The following UNK variants were observed in gnomAD, a reference collection of about 807,000 sequenced individuals.
UNK encodes the protein unk zinc finger, also known as RING finger protein unkempt homolog.
A neutral mutation model predicts 97.6 loss-of-function variants in UNK; 32 were observed. The ratio of observed to expected loss-of-function variants is 0.33; its 90% CI spans 0.25 to 0.44. UNK has a LOEUF of 0.44. Among genes scored for constraint, UNK ranks in the 20% least tolerant of loss-of-function variants. The pLI is 1.00. For missense variants in UNK, 771 were observed against 1,098.4 expected, an observed-to-expected ratio of 0.70 and a Z score of 4.21; for synonymous variants, 441 against 461.2, an observed-to-expected ratio of 0.96 and a Z score of 0.56.
intron 1 of UNK, among the ~76,000 whole-genome samples, chr17:75,807,453 G>C (rs935595679): frequency 3.3e-5 from 5 of 152,136 alleles, no homozygotes; most frequent in African/African-American, 1.2e-4. Flanking sequence ...ATGTATTTAT[G>C]TATTTATTTA....
chr17:75,784,964 C>G lies in UNK; in HGVS notation c.84C>G (p.Pro28=). ...AATAQVLQAQ[P]EKPQHYTYLK... is the part of the protein sequence containing the mutation. ...CCGCTCAGGTGCTGCAGGCACAGCC[C>G]GAGAAACCGCAGCACTACACGTACG... The change falls in exon 1 of 16, where the codon CCC becomes CCG. Residue 28 remains proline (P), a synonymous_variant. Transcript: ENST00000589666. 2.0e-6 allele frequency: 3 copies of G among 1,527,766 alleles called. No individual in the cohort carries two copies. Among genetic ancestry groups the G allele is most frequent in the Non-Finnish European group, 2.6e-6 (3 of 1,141,110 alleles). 94.6% of individuals were successfully genotyped at this position (1,527,766 alleles called of 1,614,324 possible).
chr17:75,808,204 T>G (rs1458377479), intron 1 of UNK, among the ~76,000 whole-genome samples: 1 of 152,166 alleles, frequency 6.6e-6, no homozygotes, highest in Non-Finnish European at 1.5e-5. Context: ...GTATCCCAGC[T>G]CAGTGCCAGG....
At chr17:75,811,662 T>C (rs1339075316) in intron 2 of UNK, among the ~76,000 whole-genome samples, 1 of 152,112 alleles carries the variant, frequency 6.6e-6, no homozygotes, top group Non-Finnish European at 1.5e-5. Context: ...TTCTTCCTAG[T>C]GCACCTTCCA....
At position 75,813,157 on chromosome 17, in the gene UNK, T is replaced by C; in HGVS notation, c.702T>C (p.Cys234=). 1 of 1,592,742 alleles carries C rather than the reference T, an allele frequency of 6.3e-7. No homozygotes were observed. Among genetic ancestry groups the C allele is most frequent in the Non-Finnish European group, 8.5e-7 (1 of 1,169,996 alleles). Residue 234 remains cysteine (C), a synonymous_variant, in exon 5 of 16, where the codon TGT becomes TGC. Coordinates refer to ENST00000589666, the MANE Select transcript of UNK (RefSeq NM_001080419.3). ...GGCTGTGCCGCCAAGGCTATGCCTGTCCCTACTACCACAACAGCAAGGACC... is the reference window on the plus strand; with the variant it reads ...GGCTGTGCCGCCAAGGCTATGCCTGCCCCTACTACCACAACAGCAAGGACC... ...PPRLCRQGYA[C]PYYHNSKDRR...
chr17:75,805,410 A>C (rs1036323501), intron 1 of UNK, among the ~76,000 whole-genome samples: 44 of 151,430 alleles, frequency 2.9e-4, no homozygotes, highest in Middle Eastern at 6.8e-3. Flanking sequence ...AAAAAAAAAA[A>C]AAAAACAAGC....
Position 75,816,787 on chromosome 17 carries a change from G to T in UNK, c.979G>T (p.Asp327Tyr). 6.2e-7 allele frequency: 1 copy of T among 1,604,130 alleles called. No homozygotes were observed. The change falls in exon 8 of 16, where the codon GAC (aspartate) becomes TAC (tyrosine). Residue 327 changes from aspartate to tyrosine, a missense_variant. Physicochemically the swap from Asp to Tyr is radical, Grantham distance 160. Coordinates refer to ENST00000589666, the MANE Select transcript of UNK (RefSeq NM_001080419.3). The surrounding 1 kb of genome is among the most constrained non-coding windows in gnomAD (Gnocchi z 4.0). Reference protein sequence around the residue: ...AHVEQPPLSDDLQPSSAVSSP... With the variant: ...AHVEQPPLSDYLQPSSAVSSP... The stretch of plus-strand genomic sequence containing the variant: ...TCTTGCAGAGCCACCCCTGAGTGAC[G>T]ACCTGCAGCCTTCCTCAGCTGTGTC...
chr17:75,810,934 C>T (rs978782837), intron 2 of UNK, among the ~76,000 whole-genome samples: 16 of 151,682 alleles, frequency 1.1e-4, no homozygotes, highest in Admixed American at 3.9e-4. Flanking sequence ...CTATGCCCGG[C>T]TTCAGTTGAT....
intron 14 of UNK, 85 bp downstream of exon 14, chr17:75,822,743 G>C (rs1374204014): frequency 7.3e-7 from 1 of 1,378,082 alleles, no homozygotes; most frequent in African/African-American, 1.5e-5. Context: ...GGCGTGGGGT[G>C]GGGGAAAGCG....
intron 1 of UNK, among the ~76,000 whole-genome samples, chr17:75,806,809 C>G (rs2061923030): frequency 6.6e-6 from 1 of 152,090 alleles, no homozygotes; most frequent in Non-Finnish European, 1.5e-5. Context: ...TAAATTCGGG[C>G]TCTAGGAAGA....
In UNK at chr17:75,817,654, C is replaced by T; in HGVS notation, c.1305+128C>T. 1 of 1,039,590 alleles carries T rather than the reference C, an allele frequency of 9.6e-7. No homozygotes were observed. Among genetic ancestry groups the T allele is most frequent in the Non-Finnish European group, 1.4e-6 (1 of 727,896 alleles). The allele number at this position is 1,039,590 out of a possible 1,614,324, so 64.4% of individuals were successfully genotyped here. On this transcript the variant is annotated intron_variant, in intron 9 of 15. Coordinates refer to ENST00000589666, the MANE Select transcript of UNK (RefSeq NM_001080419.3). The surrounding 1 kb of genome is among the most constrained non-coding windows in gnomAD (Gnocchi z 5.8). ...GCTAGGACTCCACTGTCCTCGGCCT[C>T]TTCAGGACTGAACAGAGGGAGCAGT...
At chr17:75,791,814 T>C (rs2061766097) in intron 1 of UNK, 2 of 985,448 alleles carry the variant, frequency 2.0e-6, no homozygotes. Flanking sequence ...CTGCTTTGAC[T>C]GGTGGTTTCT....
At position 75,813,140 on chromosome 17, in the gene UNK, C is replaced by T. The variant is rs1304322145; in HGVS notation, c.685C>T (p.Arg229Cys). The T allele has an allele frequency of 1.9e-6, 3 of 1,589,570 alleles. No homozygotes were observed. The highest frequency in any genetic ancestry group is 2.6e-6 in the Non-Finnish European group (3 of 1,168,376). The change falls in exon 5 of 16, where the codon CGC (arginine) becomes TGC (cysteine). Residue 229 changes from arginine to cysteine, a missense_variant. By Grantham distance (180) the Arg-to-Cys change is radical. Around this residue, in one of 5 missense-constraint regions of UNK, gnomAD observed 246 missense variants for 440.7 expected, o/e 0.56. Coordinates refer to ENST00000589666, the MANE Select transcript of UNK (RefSeq NM_001080419.3). ...EPCKKPPRLC[R>C]QGYACPYYHN... ...TTGCAAGAAGCCCCCGCGGCTGTGC[C>T]GCCAAGGCTATGCCTGTCCCTACTA...
chr17:75,797,178 G>T (rs907230090), intron 1 of UNK, among the ~76,000 whole-genome samples: 1 of 152,152 alleles, frequency 6.6e-6, no homozygotes, highest in Non-Finnish European at 1.5e-5. Flanking sequence ...TTAGGACTAT[G>T]TCTTGCTTTT....
chr17:75,787,653 G>A (rs1197879310), intron 1 of UNK, among the ~76,000 whole-genome samples: 1 of 151,604 alleles, frequency 6.6e-6, no homozygotes, highest in Non-Finnish European at 1.5e-5. Flanking sequence ...TGGAAACCCC[G>A]TCTCTACTAA....
At position 75,822,670 on chromosome 17, in the gene UNK, C is replaced by T. The variant is rs769549032; in HGVS notation, c.2019+12C>T. On this transcript the variant is annotated intron_variant, in intron 14 of 15. Coordinates refer to ENST00000589666, the MANE Select transcript of UNK (RefSeq NM_001080419.3). The stretch of plus-strand genomic sequence containing the variant: ...AGCAGGCCAAGCAGGTACCAGGCCC[C>T]GTGCCTGCCGGCCTTCCCCAGTGCC... 2.7e-5 allele frequency: 42 copies of T among 1,583,692 alleles called. No individual in the cohort carries two copies. Among genetic ancestry groups the T allele is most frequent in the South Asian group, 3.4e-5 (3 of 87,680 alleles).
chr17:75,793,856 A>G (rs2143688517), intron 1 of UNK: 1 of 985,458 alleles, frequency 1.0e-6, no homozygotes, highest in South Asian at 4.7e-5. Context: ...AGAAGTAGTT[A>G]TGTTCTGTAA....
chr17:75,800,313 C>T (rs559383809), intron 1 of UNK, among the ~76,000 whole-genome samples: 2 of 152,190 alleles, frequency 1.3e-5, no homozygotes, highest in Admixed American at 6.5e-5. Context: ...TCAAGCGATC[C>T]ACCCGCCTTG....
chr17:75,820,573 G>A (rs572986368), intron 13 of UNK, among the ~76,000 whole-genome samples: 9 of 152,288 alleles, frequency 5.9e-5, no homozygotes, highest in East Asian at 5.8e-4. Flanking sequence ...CCTTCCTGCC[G>A]GGCAGAGGCT....
rs2061788546 is a variant in UNK, at chr17:75,794,493, C to T, written c.104+9509C>T. Reference sequence around the variant, plus strand: ...CTCTACTAAAAATACAAAAAACTAGCTGGGTGTGGTGGCGGGCACCTGTAA... The same window carrying T: ...CTCTACTAAAAATACAAAAAACTAGTTGGGTGTGGTGGCGGGCACCTGTAA... On this transcript the variant is annotated intron_variant, in intron 1 of 15. Coordinates refer to ENST00000589666, the MANE Select transcript of UNK (RefSeq NM_001080419.3). Among the ~76,000 whole-genome samples, 3 of 152,104 alleles carry T rather than the reference C, an allele frequency of 2.0e-5. No homozygotes were observed. The South Asian group carries it at 6.2e-4, about 32-fold the overall frequency.
Sources: gnomAD v4.1 joint callset for allele counts (sites outside exome capture counted in the v4.1 genomes callset) on GRCh38, gnomAD v4.1.1 for gene constraint, gnomAD v4.1.1 regional missense constraint, Gnocchi (gnomAD v3.1) non-coding constraint, MANE v1.5 for transcripts, NCBI Gene and HGNC (gene_info 2026-07-23, HGNC 2026-07-21) for gene names.